SLC24A4: variants seen among roughly 807,000 people sequenced by gnomAD.
SLC24A4 encodes sodium/potassium/calcium exchanger 4.
In SLC24A4, 53 loss-of-function variants were observed where a neutral mutation model predicts 79.0. That is an observed-to-expected ratio of 0.67 (90% CI 0.54 to 0.84). The LOEUF is 0.84. Among genes scored for constraint, SLC24A4 ranks in the 40% least tolerant of loss-of-function variants. The pLI is 0.00. For synonymous variants in SLC24A4, 323 were observed against 323.8 expected, an observed-to-expected ratio of 1.00 and a Z score of 0.03; for missense variants, 731 against 822.0, an observed-to-expected ratio of 0.89 and a Z score of 1.35.
chr14:92,446,937 C>T (rs778341690), intron 8 of SLC24A4, among the ~76,000 whole-genome samples: 9 of 152,190 alleles, frequency 5.9e-5, no homozygotes, highest in East Asian at 5.8e-4. Flanking sequence ...GCCCTACTTC[C>T]GGGACTGGGG....
At chr14:92,377,392 A>G (rs182336889) in intron 2 of SLC24A4, among the ~76,000 whole-genome samples, 120 of 152,380 alleles carry the variant, frequency 7.9e-4, no homozygotes, top group African/African-American at 2.7e-3. Context: ...GAGCAGGTAG[A>G]TGAAATATAC....
At chr14:92,483,216 G>A (rs1324392822) in intron 13 of SLC24A4, among the ~76,000 whole-genome samples, 1 of 152,176 alleles carries the variant, frequency 6.6e-6, no homozygotes, top group African/African-American at 2.4e-5. Flanking sequence ...GGAGTCAAGG[G>A]AGATGAGGTT....
At chr14:92,423,442 G>A (rs1891397190) in intron 2 of SLC24A4, among the ~76,000 whole-genome samples, 1 of 152,204 alleles carries the variant, frequency 6.6e-6, no homozygotes, top group Admixed American at 6.5e-5. Flanking sequence ...TTACAGGTGT[G>A]AGCTACCACG....
chr14:92,350,115 A>C lies in SLC24A4; in HGVS notation c.241+24137A>C, dbSNP rs79873159. Among the ~76,000 whole-genome samples, 6 of 152,190 alleles carry C rather than the reference A, an allele frequency of 3.9e-5. No homozygotes were observed. The East Asian group carries it at 9.6e-4, about 24-fold the overall frequency. ...GTTATGAATGTGTTGAGCCCTGTTG[A>C]AGTCTCTCTGTCTAGAAAGACAATG... On this transcript the variant is annotated intron_variant, in intron 2 of 16. Transcript: ENST00000532405.
At chr14:92,372,920 T>TTCCTCC (rs1220049614) in intron 2 of SLC24A4, among the ~76,000 whole-genome samples, 1 of 83,496 alleles carries the variant, frequency 1.2e-5, no homozygotes, top group African/African-American at 4.4e-5. Context: ...TTCCTTCCTT[T>TTCCTCC]CTTTCTCTTT....
intron 2 of SLC24A4, among the ~76,000 whole-genome samples, chr14:92,356,198 T>C (rs1887172746): frequency 2.0e-5 from 3 of 152,170 alleles, no homozygotes; most frequent in Admixed American, 2.0e-4. Flanking sequence ...AAGGCTAAGC[T>C]AGGATGTTCC....
Position 92,447,365 on chromosome 14 carries a change from T to C in SLC24A4, c.684-6T>C. On this transcript the variant is annotated splice_polypyrimidine_tract_variant and splice_region_variant and intron_variant, in intron 8 of 16. Transcript: ENST00000532405. Reference sequence around the variant, plus strand: ...CTCTAACCGCAATCTCCTTTCTCTCTTTGAGGTGGGAAGGCCTGGTGCTCA... The same window carrying C: ...CTCTAACCGCAATCTCCTTTCTCTCCTTGAGGTGGGAAGGCCTGGTGCTCA... The C allele has an allele frequency of 6.2e-7, 1 of 1,614,020 alleles. No homozygotes were observed. The highest frequency in any genetic ancestry group is 8.5e-7 in the Non-Finnish European group (1 of 1,179,938).
chr14:92,387,829 G>C (rs1482841112), intron 2 of SLC24A4, among the ~76,000 whole-genome samples: 1 of 152,228 alleles, frequency 6.6e-6, no homozygotes, highest in Non-Finnish European at 1.5e-5. Context: ...TTTGTGACCA[G>C]CGTATTTCAC....
At chr14:92,361,393 G>A (rs1184931211) in intron 2 of SLC24A4, among the ~76,000 whole-genome samples, 2 of 151,828 alleles carry the variant, frequency 1.3e-5, no homozygotes, top group African/African-American at 4.8e-5. Flanking sequence ...GCAAAGGAGG[G>A]GGCAGCTTGA....
intron 2 of SLC24A4, among the ~76,000 whole-genome samples, chr14:92,394,859 A>G (rs1293902634): frequency 1.3e-5 from 2 of 151,010 alleles, no homozygotes; most frequent in East Asian, 2.0e-4. Flanking sequence ...TGTGTAGAGC[A>G]GGAGAGGAAG....
chr14:92,388,114 C>A (rs1030484314), intron 2 of SLC24A4, among the ~76,000 whole-genome samples: 6 of 152,044 alleles, frequency 3.9e-5, no homozygotes, highest in African/African-American at 1.5e-4. Context: ...TTTTGTGGAA[C>A]CTCCATACTG....
At chr14:92,402,991 A>G (rs1890188579) in intron 2 of SLC24A4, among the ~76,000 whole-genome samples, 1 of 152,150 alleles carries the variant, frequency 6.6e-6, no homozygotes, top group South Asian at 2.1e-4. Context: ...CATGTTTAGC[A>G]GAGATCCTCC....
At chr14:92,421,879 G>A (rs1309086788) in intron 2 of SLC24A4, among the ~76,000 whole-genome samples, 2 of 151,668 alleles carry the variant, frequency 1.3e-5, no homozygotes, top group Admixed American at 6.6e-5. Flanking sequence ...ACATTTTTAC[G>A]ATAAAGCATT....
intron 2 of SLC24A4, among the ~76,000 whole-genome samples, chr14:92,388,413 G>A (rs1889285977): frequency 2.0e-5 from 3 of 152,210 alleles, no homozygotes; most frequent in African/African-American, 7.2e-5. Context: ...CCGGTGCTCA[G>A]TCTGGGTTCC....
intron 2 of SLC24A4, among the ~76,000 whole-genome samples, chr14:92,326,598 A>C (rs1040674504): frequency 6.6e-6 from 1 of 152,222 alleles, no homozygotes; most frequent in African/African-American, 2.4e-5. Flanking sequence ...TGCCACAGAC[A>C]GGCTTTGCTT....
At position 92,419,989 on chromosome 14, in the gene SLC24A4, G is replaced by A. The variant is rs374665619; in HGVS notation, c.242-13923G>A. Among the ~76,000 whole-genome samples, 7 of 152,282 alleles carry A rather than the reference G, an allele frequency of 4.6e-5. No individual in the cohort carries two copies. The South Asian group carries it at 6.2e-4, about 14-fold the overall frequency. On this transcript the variant is annotated intron_variant, in intron 2 of 16. Coordinates refer to ENST00000532405, the MANE Select transcript of SLC24A4 (RefSeq NM_153646.4). ...ATAAAAAGTCCACGTGAAGACACAG[G>A]GACAAAGAGGGGAAGGCCAGATAAA... is the stretch of plus-strand genomic sequence containing the variant.
chr14:92,453,296 G>A (rs1472973497), intron 10 of SLC24A4: 1 of 152,238 alleles, frequency 6.6e-6, no homozygotes, highest in African/African-American at 2.4e-5. Context: ...GGTCTTAGTT[G>A]CCTGTCTAGG....
chr14:92,356,063 C>T (rs539294757), intron 2 of SLC24A4, among the ~76,000 whole-genome samples: 1 of 152,248 alleles, frequency 6.6e-6, no homozygotes, highest in Admixed American at 6.5e-5. Flanking sequence ...TTTTCACTTT[C>T]AGTATAGTAT....
chr14:92,343,620 CTTTCTT>C lies in SLC24A4; in HGVS notation c.241+17644_241+17649del, dbSNP rs1886308624. Reference sequence around the variant, plus strand: ...TCTTTCTTTCTTTCTTTCTTTCTTTCTTTCTTTCTTTCTTTCTTTCTCTCTTTCCTT... The same window carrying C: ...TCTTTCTTTCTTTCTTTCTTTCTTTCTCTTTCTTTCTTTCTCTCTTTCCTT... On this transcript the variant is annotated intron_variant, in intron 2 of 16. Transcript: ENST00000532405. Among the ~76,000 whole-genome samples, 3 of 147,726 alleles carry C rather than the reference CTTTCTT, an allele frequency of 2.0e-5. No individual in the cohort carries two copies. The South Asian group carries it at 6.5e-4, about 32-fold the overall frequency.
Sources: gnomAD v4.1 joint callset for allele counts (sites outside exome capture counted in the v4.1 genomes callset) on GRCh38, gnomAD v4.1.1 for gene constraint, MANE v1.5 for transcripts, NCBI Gene and HGNC (gene_info 2026-07-23, HGNC 2026-07-21) for gene names.